NCAM2: variants seen among roughly 807,000 people sequenced by gnomAD.
NCAM2 encodes the protein neural cell adhesion molecule 2, also known as N-CAM-2.
Under a neutral mutation model 98.1 loss-of-function variants are expected in NCAM2, and 30 were observed. The ratio of observed to expected loss-of-function variants is 0.31; its 90% CI spans 0.23 to 0.41. NCAM2 has a LOEUF of 0.41. Ranked by LOEUF, NCAM2 falls within the 10% of genes least tolerant of loss-of-function variation. The pLI is 1.00. For synonymous variants in NCAM2, 368 were observed against 342.4 expected (o/e 1.07, Z -0.83); for missense variants, 867 against 1,005.8 (o/e 0.86, Z 1.87).
At chr21:21,267,569 T>G (rs2072331272) in intron 1 of NCAM2, among the ~76,000 whole-genome samples, 1 of 151,886 alleles carries the variant, frequency 6.6e-6, no homozygotes, top group Non-Finnish European at 1.5e-5. Context: ...TTTTTCACAG[T>G]TCATTTGGAA....
At chr21:21,165,451 C>T (rs2067920384) in intron 1 of NCAM2, among the ~76,000 whole-genome samples, 1 of 152,120 alleles carries the variant, frequency 6.6e-6, no homozygotes, top group African/African-American at 2.4e-5. Flanking sequence ...GACCAAAGGC[C>T]TCAGGCATGC....
At chr21:21,497,511 G>A (rs1053734160) in intron 15 of NCAM2, among the ~76,000 whole-genome samples, 7 of 152,032 alleles carry the variant, frequency 4.6e-5, no homozygotes, top group African/African-American at 9.7e-5. Flanking sequence ...TATGGTTATC[G>A]GTGCTACCTT....
chr21:21,141,680 G>T (rs749769423), intron 1 of NCAM2, among the ~76,000 whole-genome samples: 1 of 152,076 alleles, frequency 6.6e-6, no homozygotes, highest in South Asian at 2.1e-4. Flanking sequence ...CTCATGGAAG[G>T]CTCTTAAATT....
At chr21:21,027,107 C>G (rs1029955967) in intron 1 of NCAM2, among the ~76,000 whole-genome samples, 4 of 152,158 alleles carry the variant, frequency 2.6e-5, no homozygotes, top group African/African-American at 9.7e-5. Context: ...ATTCACCTGC[C>G]TCAGCCTCCC....
intron 1 of NCAM2, among the ~76,000 whole-genome samples, chr21:21,228,776 C>T (rs2147172084): frequency 6.6e-6 from 1 of 151,440 alleles, no homozygotes; most frequent in East Asian, 1.9e-4. Context: ...GAAGGGATGG[C>T]AGTTGGATAT....
intron 1 of NCAM2, among the ~76,000 whole-genome samples, chr21:21,113,184 A>T (rs1218127167): frequency 6.6e-6 from 1 of 152,216 alleles, no homozygotes; most frequent in Non-Finnish European, 1.5e-5. Context: ...GATAATGCTC[A>T]CACAGTAGGT....
intron 5 of NCAM2, among the ~76,000 whole-genome samples, chr21:21,323,478 T>A (rs558351713): frequency 1.3e-5 from 2 of 152,252 alleles, no homozygotes; most frequent in South Asian, 4.1e-4. Flanking sequence ...TCTGGTATTG[T>A]TTAGTATATG....
At chr21:21,504,092 T>C (rs946285975) in intron 15 of NCAM2, among the ~76,000 whole-genome samples, 5 of 151,968 alleles carry the variant, frequency 3.3e-5, no homozygotes, top group Admixed American at 2.6e-4. Context: ...GTATTTGCTG[T>C]ATTGCTGTAC....
intron 10 of NCAM2, among the ~76,000 whole-genome samples, chr21:21,413,260 G>T (rs922868154): frequency 1.3e-5 from 2 of 152,076 alleles, no homozygotes; most frequent in African/African-American, 4.8e-5. Context: ...GCTTTGCATT[G>T]TCTGTATCTT....
chr21:21,144,626 A>G (rs1399361148), intron 1 of NCAM2, among the ~76,000 whole-genome samples: 1 of 151,896 alleles, frequency 6.6e-6, no homozygotes, highest in Admixed American at 6.6e-5. Context: ...CTTAAAGTTA[A>G]TATTTCCATT....
At chr21:21,161,936 C>T (rs373863390) in intron 1 of NCAM2, among the ~76,000 whole-genome samples, 9 of 151,890 alleles carry the variant, frequency 5.9e-5, no homozygotes, top group African/African-American at 1.9e-4. Flanking sequence ...TTTCTTTCAA[C>T]GATATAATGG....
At chr21:21,104,943 G>T (rs2066315849) in intron 1 of NCAM2, among the ~76,000 whole-genome samples, 1 of 152,016 alleles carries the variant, frequency 6.6e-6, no homozygotes, top group African/African-American at 2.4e-5. Flanking sequence ...TTTACAAGGA[G>T]AAAAACTGAA....
chr21:21,423,352 AC>A (rs1362806731), intron 11 of NCAM2, among the ~76,000 whole-genome samples: 1 of 152,152 alleles, frequency 6.6e-6, no homozygotes, highest in Non-Finnish European at 1.5e-5. Flanking sequence ...GCATTCAAGC[AC>A]CCAGCACATG....
intron 5 of NCAM2, among the ~76,000 whole-genome samples, chr21:21,298,614 GATAGATAGAT>G (rs1174370837): frequency 6.6e-6 from 1 of 151,378 alleles, no homozygotes; most frequent in African/African-American, 2.4e-5. Context: ...TAGATAGATA[GATAGATAGAT>G]AGATAGATGA....
intron 6 of NCAM2, among the ~76,000 whole-genome samples, chr21:21,328,693 C>T (rs1419436313): frequency 6.6e-6 from 1 of 151,310 alleles, no homozygotes; most frequent in African/African-American, 2.4e-5. Context: ...GTACTTTGAG[C>T]TGTTATTAAA....
At chr21:21,293,384 C>G (rs1005102497) in intron 5 of NCAM2, among the ~76,000 whole-genome samples, 1 of 151,518 alleles carries the variant, frequency 6.6e-6, no homozygotes, top group African/African-American at 2.4e-5. Context: ...TGTAATAATT[C>G]TTCAGTGTTT....
chr21:21,323,108 A>T (rs1191896606), intron 5 of NCAM2, among the ~76,000 whole-genome samples: 5 of 152,184 alleles, frequency 3.3e-5, no homozygotes, highest in African/African-American at 7.2e-5. Context: ...CTTGCAACTA[A>T]TGTATAAATA....
At chr21:21,094,652 C>T (rs907189621) in intron 1 of NCAM2, among the ~76,000 whole-genome samples, 2 of 151,594 alleles carry the variant, frequency 1.3e-5, no homozygotes, top group Non-Finnish European at 3.0e-5. Flanking sequence ...TAAATACGTT[C>T]TCAGAATAAA....
At chr21:21,455,210 CA>C (rs5842926) in intron 12 of NCAM2, among the ~76,000 whole-genome samples, 17,199 of 95,352 alleles carry the variant, frequency 0.18, 764 homozygotes, top group African/African-American at 0.27. Flanking sequence ...AACCTATTGG[CA>C]AAAAAAAAAA....
Sources: gnomAD v4.1 joint callset for allele counts (sites outside exome capture counted in the v4.1 genomes callset) on GRCh38, gnomAD v4.1.1 for gene constraint, MANE v1.5 for transcripts, NCBI Gene and HGNC (gene_info 2026-07-23, HGNC 2026-07-21) for gene names.